Variants in RASA1 observed in about 807,000 individuals in gnomAD.
RASA1 encodes the protein RAS p21 protein activator 1, also known as ras GTPase-activating protein 1.
Under a neutral mutation model 132.2 loss-of-function variants are expected in RASA1, and 25 were observed. That is an observed-to-expected ratio of 0.19 (90% confidence interval 0.14 to 0.26). The LOEUF (loss-of-function observed/expected upper bound fraction) is 0.26. Among genes scored for constraint, RASA1 ranks in the 10% least tolerant of loss-of-function variants. RASA1 has a pLI of 1.00. For synonymous variants in RASA1, 477 were observed against 449.9 expected (o/e 1.06, Z -0.76); for missense variants, 964 against 1,299.2 (o/e 0.74, Z 3.97).
chr5:87,339,294 CTCATAG>C (rs1159442005), intron 5 of RASA1, among the ~76,000 whole-genome samples: 1 of 152,096 alleles, frequency 6.6e-6, no homozygotes, highest in Non-Finnish European at 1.5e-5. Context: ...ACAGTCCATA[CTCATAG>C]TCATATAGTT....
Position 87,378,936 on chromosome 5 carries a change from T to C in RASA1, c.2487+398T>C, listed in dbSNP as rs76405185. On this transcript the variant is annotated intron_variant, in intron 18 of 24. Coordinates refer to ENST00000274376, the MANE Select transcript of RASA1 (RefSeq NM_002890.3). ...AGGTTTTTTTGCGAGGGGAGAATTA[T>C]GAGATAACCTCAACTAAAACAAAAA... Among the ~76,000 whole-genome samples, 1,014 of 152,294 alleles carry C rather than the reference T, an allele frequency of 6.7e-3. 10 individuals are homozygous for C. Among genetic ancestry groups the C allele is most frequent in the African/African-American group, 0.023 (959 of 41,560 alleles).
intron 1 of RASA1, among the ~76,000 whole-genome samples, chr5:87,287,466 A>G (rs1306044096): frequency 6.8e-6 from 1 of 147,520 alleles, no homozygotes; most frequent in Admixed American, 6.8e-5. Flanking sequence ...CCATATATAT[A>G]CACACCATAT....
intron 5 of RASA1, among the ~76,000 whole-genome samples, chr5:87,338,412 A>G (rs1375318153): frequency 6.8e-6 from 1 of 146,648 alleles, no homozygotes; most frequent in Admixed American, 6.8e-5. Context: ...GCTCACTGCA[A>G]CCTCCACCTC....
chr5:87,274,839 A>G (rs1016673029), intron 1 of RASA1, among the ~76,000 whole-genome samples: 6 of 152,218 alleles, frequency 3.9e-5, no homozygotes, highest in Non-Finnish European at 8.8e-5. Context: ...TAATGATTCT[A>G]TCAGGAAAAC....
rs766436082 is a variant in RASA1, at chr5:87,374,889, A to ACAC, written c.1986_1987insCCA (p.Thr662_Lys663insPro). Reference sequence around the variant, plus strand: ...ATTTGAAATAACTCTTAGTAATAAAACAAAGAAAAGCAAAGATCCTGATAT... The same window carrying ACAC: ...ATTTGAAATAACTCTTAGTAATAAAACACCAAAGAAAAGCAAAGATCCTGATAT... On this transcript the variant is annotated inframe_insertion, in exon 15 of 25. Coordinates refer to ENST00000274376, the MANE Select transcript of RASA1 (RefSeq NM_002890.3). 1 of 1,608,892 alleles carries ACAC rather than the reference A, an allele frequency of 6.2e-7. No homozygotes were observed. The highest frequency in any genetic ancestry group is 1.1e-5 in the South Asian group (1 of 90,778).
At chr5:87,270,533 A>T (rs62368937) in intron 1 of RASA1, among the ~76,000 whole-genome samples, 6,425 of 151,090 alleles carry the variant, frequency 0.043, 182 homozygotes, top group Non-Finnish European at 0.066. Context: ...TTTTTAATAG[A>T]GACGAAATTT....
chr5:87,290,652 C>G (rs1024743453), intron 1 of RASA1, among the ~76,000 whole-genome samples: 1 of 152,118 alleles, frequency 6.6e-6, no homozygotes, highest in South Asian at 2.1e-4. Flanking sequence ...TTCATTCTTC[C>G]TTCCCCCTTA....
At chr5:87,385,811 C>T (rs1762024915) in intron 22 of RASA1, among the ~76,000 whole-genome samples, 1 of 151,996 alleles carries the variant, frequency 6.6e-6, no homozygotes, top group African/African-American at 2.4e-5. Flanking sequence ...TATCATGCCT[C>T]CTGCTTTTGT....
chr5:87,363,523 A>C lies in RASA1; in HGVS notation c.1610+19A>C, dbSNP rs768272827. Reference sequence around the variant, plus strand: ...TTGGCAGGTAAGAGACTGGTTTCCTATTTTTCTTTCGGAATTGTCTTAATA... The same window carrying C: ...TTGGCAGGTAAGAGACTGGTTTCCTCTTTTTCTTTCGGAATTGTCTTAATA... On this transcript the variant is annotated intron_variant, in intron 11 of 24. Transcript: ENST00000274376. The C allele has an allele frequency of 2.5e-6, 4 of 1,605,980 alleles. No homozygotes were observed. The highest frequency in any genetic ancestry group is 3.4e-6 in the Non-Finnish European group (4 of 1,173,310).
intron 1 of RASA1, among the ~76,000 whole-genome samples, chr5:87,295,606 G>A (rs1247665643): frequency 2.0e-5 from 3 of 151,944 alleles, no homozygotes; most frequent in African/African-American, 7.3e-5. Flanking sequence ...CCTGGCTCAA[G>A]TGATCCTCCC....
intron 4 of RASA1, among the ~76,000 whole-genome samples, chr5:87,336,488 AT>A (rs1451527202): frequency 3.9e-5 from 6 of 152,122 alleles, no homozygotes; most frequent in African/African-American, 1.4e-4. Flanking sequence ...TAAAATAAAA[AT>A]ACCTTAAAAA....
intron 13 of RASA1, among the ~76,000 whole-genome samples, chr5:87,373,432 C>G (rs1396909881): frequency 6.6e-6 from 1 of 151,990 alleles, no homozygotes; most frequent in East Asian, 1.9e-4. Flanking sequence ...GCTGCCAGGA[C>G]AGAGAGGTGG....
intron 1 of RASA1, among the ~76,000 whole-genome samples, chr5:87,324,318 C>T (rs1274485179): frequency 6.6e-6 from 1 of 152,154 alleles, no homozygotes; most frequent in African/African-American, 2.4e-5. Context: ...AACATTTGAT[C>T]AGTGCATAAC....
chr5:87,357,462 C>T (rs1442399844), intron 9 of RASA1, among the ~76,000 whole-genome samples: 1 of 152,060 alleles, frequency 6.6e-6, no homozygotes, highest in Non-Finnish European at 1.5e-5. Context: ...TTTCCCCATA[C>T]TGAATTTGTA....
chr5:87,316,164 A>T (rs1053800586), intron 1 of RASA1, among the ~76,000 whole-genome samples: 2 of 152,232 alleles, frequency 1.3e-5, no homozygotes, highest in East Asian at 3.8e-4. Flanking sequence ...GTATAAATTT[A>T]AAGCAAATAT....
At chr5:87,363,239 C>A in intron 10 of RASA1, 109 bp from the exon 11 acceptor site, 2 of 1,045,584 alleles carry the variant, frequency 1.9e-6, no homozygotes, top group Non-Finnish European at 2.8e-6. Flanking sequence ...ATTACATAAG[C>A]TTTGGAATAA....
At chr5:87,270,024 C>CT (rs1753753738) in intron 1 of RASA1, among the ~76,000 whole-genome samples, 1 of 151,922 alleles carries the variant, frequency 6.6e-6, no homozygotes. Context: ...GGCGGATCAC[C>CT]TGAGGTCAGG....
At chr5:87,307,550 A>G (rs1024993417) in intron 1 of RASA1, among the ~76,000 whole-genome samples, 4 of 152,194 alleles carry the variant, frequency 2.6e-5, no homozygotes, top group African/African-American at 7.2e-5. Flanking sequence ...TACAAATTTG[A>G]TTACTTTTTA....
chr5:87,268,993 A>T lies in RASA1; in HGVS notation c.539+3A>T. 1.2e-6 allele frequency: 2 copies of T among 1,614,226 alleles called. No homozygotes were observed. The highest frequency in any genetic ancestry group is 1.7e-6 in the Non-Finnish European group (2 of 1,180,034). ...TTGACCGCTCCTCCAACTAACCAGT[A>T]AGTTAAGACTGCTGTTCAGGAATTT... On this transcript the variant is annotated splice_donor_region_variant and intron_variant, in intron 1 of 24. Coordinates refer to ENST00000274376, the MANE Select transcript of RASA1 (RefSeq NM_002890.3).
Sources: gnomAD v4.1 joint callset for allele counts (sites outside exome capture counted in the v4.1 genomes callset) on GRCh38, gnomAD v4.1.1 for gene constraint, MANE v1.5 for transcripts, NCBI Gene and HGNC (gene_info 2026-07-23, HGNC 2026-07-21) for gene names.